Variants in FGF18 observed in about 807,000 individuals in gnomAD.
FGF18 encodes the protein fibroblast growth factor 18.
FGF18 carries 5 observed loss-of-function variants against 23.0 expected under a neutral mutation model. The observed-to-expected ratio is 0.22, with a 90% CI of 0.11 to 0.46. The LOEUF is 0.46. FGF18 is among the 20% of genes least tolerant of loss of function. The probability of loss-of-function intolerance (pLI) is 0.99; values close to 1 mark genes in which losing one functional copy is unlikely to be tolerated. For missense variants in FGF18, 180 were observed against 291.6 expected (o/e 0.62, Z 2.79); for synonymous variants, 117 against 118.9 (o/e 0.98, Z 0.10).
rs1362116238 is a variant in FGF18 at position 171,436,625 on chromosome 5, C to T, written c.250+352C>T. On this transcript the variant is annotated intron_variant, in intron 3 of 4. Transcript: ENST00000274625. The surrounding 1 kb of genome is among the most constrained non-coding windows in gnomAD (Gnocchi z 4.4). Reference sequence around the variant, plus strand: ...CCCCAGGTTCAGCCACTTCAAGGGGCAGGAGCCTCGAGGTGATGCTTTTAG... The same window carrying T: ...CCCCAGGTTCAGCCACTTCAAGGGGTAGGAGCCTCGAGGTGATGCTTTTAG... Among the ~76,000 whole-genome samples the T allele has an allele frequency of 1.3e-5, 2 of 152,176 alleles. No individual in the cohort carries two copies. Among genetic ancestry groups the T allele is most frequent in the Non-Finnish European group, 1.5e-5 (1 of 68,030 alleles).
chr5:171,428,145 T>C (rs1242757513), intron 2 of FGF18, among the ~76,000 whole-genome samples: 1 of 151,848 alleles, frequency 6.6e-6, no homozygotes, highest in African/African-American at 2.4e-5. Context: ...AGCCCACGGG[T>C]TCCTGGAAGT....
intron 3 of FGF18, among the ~76,000 whole-genome samples, chr5:171,447,072 T>C (rs1772428921): frequency 6.6e-6 from 1 of 152,174 alleles, no homozygotes; most frequent in Non-Finnish European, 1.5e-5. Flanking sequence ...GAGTTTTCCC[T>C]CCCTGAGAAC....
At chr5:171,447,363 C>G (rs1021439393) in intron 3 of FGF18, among the ~76,000 whole-genome samples, 1 of 152,184 alleles carries the variant, frequency 6.6e-6, no homozygotes, top group African/African-American at 2.4e-5. Flanking sequence ...ATGTTTGGCC[C>G]TGGGGAGGGA....
intron 4 of FGF18, among the ~76,000 whole-genome samples, chr5:171,453,995 A>G (rs1341253922): frequency 1.3e-5 from 2 of 152,150 alleles, no homozygotes; most frequent in Admixed American, 1.3e-4. Context: ...ACCTGTGCTC[A>G]GCAACAAGAG....
At chr5:171,431,480 G>C (rs1011591330) in intron 2 of FGF18, among the ~76,000 whole-genome samples, 3 of 152,260 alleles carry the variant, frequency 2.0e-5, no homozygotes, top group East Asian at 1.9e-4. Context: ...GGAAGGCTTG[G>C]GGGAGGGATT....
rs568017967 is a variant in FGF18 at position 171,450,972 on chromosome 5, C to T, written c.357+1719C>T. 5.3e-5 allele frequency among the ~76,000 whole-genome samples: 8 copies of T among 152,174 alleles called. No homozygotes were observed. The South Asian group carries it at 1.4e-3, about 28-fold the overall frequency. ...TGCCCACGCCGCGGCCCGCCCTCGC[C>T]GTCTGCGTGCTGTTCCCGGCATCTT... On this transcript the variant is annotated intron_variant, in intron 4 of 4. Transcript: ENST00000274625.
chr5:171,420,085 GAGCAGC>G lies in FGF18; in HGVS notation c.-108_-103del. On this transcript the variant is annotated 5_prime_UTR_variant, in exon 1 of 5. Transcript: ENST00000274625. ...GCAGCAGCAGCAGCCGGCGAGGAGG[GAGCAGC>G]AGCAGCGGCGGCGGCGGCGGCGGCG... The G allele has an allele frequency of 3.5e-6, 3 of 847,076 alleles. No individual in the cohort carries two copies. Among genetic ancestry groups the G allele is most frequent in the African/African-American group, 1.8e-5 (1 of 55,622 alleles). 52.5% of individuals were successfully genotyped at this position (847,076 alleles called of 1,614,324 possible).
At chr5:171,439,912 C>A (rs1772316033) in intron 3 of FGF18, among the ~76,000 whole-genome samples, 1 of 152,166 alleles carries the variant, frequency 6.6e-6, no homozygotes, top group Non-Finnish European at 1.5e-5. Context: ...GATTAAAAAA[C>A]CCCATTTTGC....
In FGF18 at chr5:171,452,508, C is replaced by T. The variant is rs546014977; in HGVS notation, c.357+3255C>T. ...TCAGATGCCAAAGCTGTGTCCCCAGCCCCTGCATGTTCAGGCGGCCCCCCT... is the reference window on the plus strand; with the variant it reads ...TCAGATGCCAAAGCTGTGTCCCCAGTCCCTGCATGTTCAGGCGGCCCCCCT... On this transcript the variant is annotated intron_variant, in intron 4 of 4. Transcript: ENST00000274625. 1.9e-3 allele frequency among the ~76,000 whole-genome samples: 283 copies of T among 152,328 alleles called. 1 individual carries two copies. The highest frequency in any genetic ancestry group is 6.3e-3 in the African/African-American group (260 of 41,562).
rs766926286 is a variant in FGF18 at position 171,443,500 on chromosome 5, C to CT, written c.251-5647_251-5646insT. On this transcript the variant is annotated intron_variant, in intron 3 of 4. Coordinates refer to ENST00000274625, the MANE Select transcript of FGF18 (RefSeq NM_003862.3). ...TCAGATAAGTATTCACTGTTATCAT[C>CT]ATTTTTTTTTTTTTTTTTTTTTTTT... Among the ~76,000 whole-genome samples the CT allele has an allele frequency of 9.9e-5, 7 of 70,466 alleles. 1 individual carries two copies. The highest frequency in any genetic ancestry group is 5.8e-4 in the South Asian group (1 of 1,722). 46.2% of individuals were successfully genotyped at this position (70,466 alleles called of 152,430 possible).
At chr5:171,450,732 G>A (rs1772488793) in intron 4 of FGF18, among the ~76,000 whole-genome samples, 1 of 152,066 alleles carries the variant, frequency 6.6e-6, no homozygotes, top group South Asian at 2.1e-4. Context: ...GGCCGGGGCC[G>A]GGGCCACGGA....
At position 171,455,792 on chromosome 5, in the gene FGF18, C is replaced by G. The variant is rs1581282253; in HGVS notation, c.358-747C>G. Among the ~76,000 whole-genome samples, 9 of 152,328 alleles carry G rather than the reference C, an allele frequency of 5.9e-5. 1 individual carries two copies. The South Asian group carries it at 1.9e-3, about 32-fold the overall frequency. ...CACTTGCTCACCTGTGAGCCAATCA[C>G]TGAAGCCACAGGGAAAATAGTGTCT... On this transcript the variant is annotated intron_variant, in intron 4 of 4. Coordinates refer to ENST00000274625, the MANE Select transcript of FGF18 (RefSeq NM_003862.3).
intron 4 of FGF18, among the ~76,000 whole-genome samples, chr5:171,449,638 C>T (rs190176322): frequency 1.3e-5 from 2 of 152,046 alleles, no homozygotes; most frequent in Admixed American, 6.6e-5. Flanking sequence ...AGCAAGGAAC[C>T]GGCAGGCCAA....
chr5:171,435,143 A>G (rs1361460834), intron 2 of FGF18, among the ~76,000 whole-genome samples: 1 of 152,082 alleles, frequency 6.6e-6, no homozygotes, highest in Non-Finnish European at 1.5e-5. Flanking sequence ...GCTGGTGGGG[A>G]GGGAGTGGTG....
intron 3 of FGF18, among the ~76,000 whole-genome samples, chr5:171,446,593 G>A (rs1204088216): frequency 6.6e-6 from 1 of 152,190 alleles, no homozygotes; most frequent in Non-Finnish European, 1.5e-5. Context: ...CCAAGAGGGA[G>A]TCTCTCCCTT....
At chr5:171,428,224 G>T (rs1772126290) in intron 2 of FGF18, among the ~76,000 whole-genome samples, 1 of 152,214 alleles carries the variant, frequency 6.6e-6, no homozygotes, top group Non-Finnish European at 1.5e-5. Context: ...CTGGAGGAAT[G>T]TTGGGTCAGT....
intron 3 of FGF18, among the ~76,000 whole-genome samples, 192 bp from the exon 4 acceptor site, chr5:171,448,955 G>A (rs1161808911): frequency 3.9e-5 from 6 of 152,032 alleles, no homozygotes. Context: ...GAGGGGCAGG[G>A]GACAGCTACT....
At chr5:171,432,765 A>T (rs978371965) in intron 2 of FGF18, among the ~76,000 whole-genome samples, 4 of 152,208 alleles carry the variant, frequency 2.6e-5, no homozygotes, top group Admixed American at 6.5e-5. Flanking sequence ...CTGGGTAGTC[A>T]GTTGCCTTAA....
intron 2 of FGF18, among the ~76,000 whole-genome samples, chr5:171,432,225 C>G (rs1015287536): frequency 3.9e-4 from 59 of 152,196 alleles, no homozygotes; most frequent in African/African-American, 1.4e-3. Flanking sequence ...ACCTGCCACG[C>G]AGCTAGTAGG....
Sources: gnomAD v4.1 joint callset for allele counts (sites outside exome capture counted in the v4.1 genomes callset) on GRCh38, gnomAD v4.1.1 for gene constraint, Gnocchi (gnomAD v3.1) non-coding constraint, MANE v1.5 for transcripts, NCBI Gene and HGNC (gene_info 2026-07-23, HGNC 2026-07-21) for gene names.